Variants in PDZD2 observed in about 807,000 individuals in gnomAD.
PDZD2 encodes PDZ domain-containing protein 2.
In PDZD2, 90 loss-of-function variants were observed where a neutral mutation model predicts 220.7. The ratio of observed to expected loss-of-function variants is 0.41; its 90% CI spans 0.34 to 0.49. PDZD2 has a LOEUF of 0.49. Ranked by LOEUF, PDZD2 falls within the 20% of genes least tolerant of loss-of-function variation. PDZD2 has a pLI of 0.28. For synonymous variants in PDZD2, 1,375 were observed against 1,450.5 expected, an observed-to-expected ratio of 0.95 and a Z score of 1.18; for missense variants, 3,174 against 3,608.5, an observed-to-expected ratio of 0.88 and a Z score of 3.08.
At chr5:31,970,554 G>T (rs551081898) in intron 2 of PDZD2, among the ~76,000 whole-genome samples, 2 of 152,100 alleles carry the variant, frequency 1.3e-5, no homozygotes, top group South Asian at 4.2e-4. Flanking sequence ...TACTCCAAAG[G>T]CTGAGGCAGG....
chr5:31,888,699 CTGTTGAG>C (rs1210261615), intron 2 of PDZD2, among the ~76,000 whole-genome samples: 1 of 152,154 alleles, frequency 6.6e-6, no homozygotes, highest in African/African-American at 2.4e-5. Context: ...CAATAACCAA[CTGTTGAG>C]GATGTAGTTT....
chr5:31,739,559 A>T (rs1750126323), intron 1 of PDZD2, among the ~76,000 whole-genome samples: 1 of 152,176 alleles, frequency 6.6e-6, no homozygotes, highest in South Asian at 2.1e-4. Context: ...AGAAAATGGG[A>T]TTAAAAGATA....
chr5:31,686,578 G>T (rs1328307268), intron 1 of PDZD2, among the ~76,000 whole-genome samples: 1 of 152,028 alleles, frequency 6.6e-6, no homozygotes, highest in Non-Finnish European at 1.5e-5. Context: ...TGTTGGCCAG[G>T]CTAGTCTCGA....
At chr5:31,716,529 G>A (rs187433026) in intron 1 of PDZD2, among the ~76,000 whole-genome samples, 41 of 152,302 alleles carry the variant, frequency 2.7e-4, no homozygotes, top group African/African-American at 7.7e-4. Flanking sequence ...TAGGCCAGGC[G>A]CGGTGGTTCA....
chr5:31,670,883 C>G (rs1434416533), intron 1 of PDZD2, among the ~76,000 whole-genome samples: 2 of 152,118 alleles, frequency 1.3e-5, no homozygotes. Context: ...CTCAAGCCCT[C>G]TGTGGATCGC....
chr5:31,686,618 C>T (rs146026838), intron 1 of PDZD2, among the ~76,000 whole-genome samples: 22 of 152,244 alleles, frequency 1.4e-4, no homozygotes, highest in East Asian at 3.9e-4. Flanking sequence ...CCGCCTGCCT[C>T]GGCCTCCCAA....
intron 2 of PDZD2, among the ~76,000 whole-genome samples, chr5:31,906,303 C>G (rs907722430): frequency 1.3e-5 from 2 of 150,076 alleles, no homozygotes; most frequent in Non-Finnish European, 3.0e-5. Flanking sequence ...GAGATGGGGT[C>G]TCACCCTGTT....
intron 2 of PDZD2, among the ~76,000 whole-genome samples, chr5:31,865,789 G>A (rs549651747): frequency 4.0e-5 from 6 of 150,608 alleles, no homozygotes; most frequent in East Asian, 3.9e-4. Flanking sequence ...CCACCACCAC[G>A]CCCGGCTAAT....
intron 1 of PDZD2, among the ~76,000 whole-genome samples, chr5:31,740,317 G>A (rs890906739): frequency 2.6e-5 from 4 of 151,162 alleles, no homozygotes; most frequent in African/African-American, 7.3e-5. Context: ...TTAGGAGATC[G>A]AGACCATCCT....
rs1754845041 is a variant in PDZD2, at chr5:31,808,088, G to A, written c.476+8364G>A. On this transcript the variant is annotated intron_variant, in intron 2 of 24. Transcript: ENST00000438447. ...GCAGGTAGTGATGTAGGTAGGAGAT[G>A]GTAGAGAGAAAGAATTGCCAATTGT... Among the ~76,000 whole-genome samples the A allele has an allele frequency of 2.0e-5, 3 of 152,148 alleles. No homozygotes were observed. In the South Asian group the frequency reaches 6.2e-4, roughly 32 times the overall value.
chr5:32,020,927 T>G (rs1169377356), intron 6 of PDZD2, among the ~76,000 whole-genome samples: 1 of 151,652 alleles, frequency 6.6e-6, no homozygotes, highest in Non-Finnish European at 1.5e-5. Flanking sequence ...ATTACAGGAG[T>G]GAGCCACTGC....
At chr5:31,766,290 G>C (rs1462764573) in intron 1 of PDZD2, among the ~76,000 whole-genome samples, 1 of 152,160 alleles carries the variant, frequency 6.6e-6, no homozygotes, top group African/African-American at 2.4e-5. Context: ...TTTCTACAGT[G>C]TGAAACTCAG....
At position 31,963,042 on chromosome 5, in the gene PDZD2, A is replaced by ATT. The variant is rs571468623; in HGVS notation, c.477-20113_477-20112insTT. On this transcript the variant is annotated intron_variant, in intron 2 of 24. Coordinates refer to ENST00000438447, the MANE Select transcript of PDZD2 (RefSeq NM_178140.4). ...TTATTTCCTGCTGAGAACACTTGGT[A>ATT]ATGAAGTGAGTTCCTAGTACTCTAA... 3.5e-3 allele frequency among the ~76,000 whole-genome samples: 540 copies of ATT among 152,292 alleles called. 2 individuals are homozygous for ATT. Among genetic ancestry groups the ATT allele is most frequent in the African/African-American group, 0.013 (528 of 41,562 alleles).
chr5:32,082,162 C>T (rs760132313), intron 19 of PDZD2, among the ~76,000 whole-genome samples: 6 of 151,726 alleles, frequency 4.0e-5, no homozygotes, highest in Admixed American at 6.6e-5. Context: ...GCTTGGATTA[C>T]AGGCGCCCAC....
intron 1 of PDZD2, among the ~76,000 whole-genome samples, chr5:31,776,694 G>C (rs1331200327): frequency 6.6e-6 from 1 of 151,204 alleles, no homozygotes; most frequent in Non-Finnish European, 1.5e-5. Context: ...TGTCGCCCAG[G>C]CTGGAGTGCA....
At position 31,792,731 on chromosome 5, in the gene PDZD2, T is replaced by A. The variant is rs150812402; in HGVS notation, c.-360-6158T>A. Reference sequence around the variant, plus strand: ...CTGCACCCAACCTTTGATTCCATTATTTATCTGGGCCTATAAAAGGGGGAA... The same window carrying A: ...CTGCACCCAACCTTTGATTCCATTAATTATCTGGGCCTATAAAAGGGGGAA... On this transcript the variant is annotated intron_variant, in intron 1 of 24. Coordinates refer to ENST00000438447, the MANE Select transcript of PDZD2 (RefSeq NM_178140.4). 1.4e-4 allele frequency among the ~76,000 whole-genome samples: 21 copies of A among 151,832 alleles called. No homozygotes were observed. The East Asian group carries it at 3.5e-3, about 25-fold the overall frequency.
chr5:32,009,242 T>C (rs926036517), intron 5 of PDZD2, among the ~76,000 whole-genome samples: 1 of 147,726 alleles, frequency 6.8e-6, no homozygotes, highest in Admixed American at 6.8e-5. Flanking sequence ...TACTTGGGAG[T>C]TGAGGTGGGA....
At chr5:32,094,123 A>C (rs1431215349) in intron 21 of PDZD2, among the ~76,000 whole-genome samples, 17 of 151,310 alleles carry the variant, frequency 1.1e-4, no homozygotes, top group Non-Finnish European at 5.9e-5. Context: ...TCAAGGATAA[A>C]GAGGCTGAAG....
intron 7 of PDZD2, among the ~76,000 whole-genome samples, chr5:32,040,729 C>T (rs141610431): frequency 0.12 from 17,724 of 146,680 alleles, 1,143 homozygotes; most frequent in Admixed American, 0.16. Flanking sequence ...GTGAGAAGCG[C>T]CTCTGCCCAG....
Sources: allele counts gnomAD v4.1 joint callset (sites outside exome capture counted in the v4.1 genomes callset), GRCh38; gene constraint gnomAD v4.1.1; transcripts MANE v1.5; gene names NCBI Gene and HGNC (gene_info 2026-07-23, HGNC 2026-07-21).